The following GADL1 variants were observed in gnomAD, a reference collection of about 807,000 sequenced individuals.
GADL1 encodes the protein GAD like acidic amino acid decarboxylase 1.
GADL1 carries 71 observed loss-of-function variants against 69.5 expected under a neutral mutation model. The ratio of observed to expected loss-of-function variants is 1.02; its 90% CI spans 0.84 to 1.25. GADL1 has a LOEUF of 1.25. GADL1 is among the 50% of genes most tolerant of loss of function. GADL1 has a pLI of 0.00. For synonymous variants in GADL1, 254 were observed against 214.4 expected, an observed-to-expected ratio of 1.18 and a Z score of -1.62; for missense variants, 737 against 631.8, an observed-to-expected ratio of 1.17 and a Z score of -1.79.
chr3:30,850,000 G>A lies in GADL1; in HGVS notation c.647C>T (p.Ala216Val). ...GSPRLILFTS[A>V]ECHYSMKKAA... ...AATACCAAAAATAATTTTTACCTCT[G>A]CAGATGTGAAAAGGATTAATCTTGG... is the stretch of plus-strand genomic sequence containing the variant. The change falls in exon 6 of 15, where the codon GCA (alanine) becomes GTA (valine). Residue 216 changes from alanine to valine, a missense_variant. Physicochemically the swap from Ala to Val is moderately conservative, Grantham distance 64. Coordinates refer to ENST00000282538, the MANE Select transcript of GADL1 (RefSeq NM_207359.3). 1.3e-6 allele frequency: 2 copies of A among 1,559,956 alleles called. No individual in the cohort carries two copies. Among genetic ancestry groups the A allele is most frequent in the Non-Finnish European group, 8.8e-7 (1 of 1,131,574 alleles).
In GADL1 at chr3:30,889,774, C is replaced by A. The variant is rs530577076; in HGVS notation, c.37+4804G>T. On this transcript the variant is annotated intron_variant, in intron 1 of 14. Transcript: ENST00000282538. ...TTTAGAAAATTAGCTGAGAAGACAACCTTAAGTGCCCAGTGACAGGTGGTA... is the reference window on the plus strand; with the variant it reads ...TTTAGAAAATTAGCTGAGAAGACAAACTTAAGTGCCCAGTGACAGGTGGTA... Among the ~76,000 whole-genome samples the A allele has an allele frequency of 3.3e-5, 5 of 152,212 alleles. No individual in the cohort carries two copies. In the South Asian group the frequency reaches 1.0e-3, roughly 32 times the overall value.
chr3:30,889,084 TAAAAAAAAAAAAAA>T (rs60227313), intron 1 of GADL1, among the ~76,000 whole-genome samples: 15 of 32,918 alleles, frequency 4.6e-4, no homozygotes, highest in South Asian at 1.5e-3. Context: ...CGGTAATCTA[TAAAAAAAAAAAAAA>T]AAAAAAAAAA....
At chr3:30,745,896 C>T (rs1487344846) in intron 14 of GADL1, among the ~76,000 whole-genome samples, 1 of 151,978 alleles carries the variant, frequency 6.6e-6, no homozygotes, top group Non-Finnish European at 1.5e-5. Flanking sequence ...TTAAAATTCT[C>T]TTCCCTTATT....
chr3:30,783,509 G>A (rs892778420), intron 13 of GADL1, among the ~76,000 whole-genome samples: 11 of 141,966 alleles, frequency 7.7e-5, no homozygotes, highest in African/African-American at 2.7e-4. Flanking sequence ...TCTCCTTGCT[G>A]TTAGACAACA....
At chr3:30,812,469 G>A (rs890264070) in intron 11 of GADL1, among the ~76,000 whole-genome samples, 2 of 152,132 alleles carry the variant, frequency 1.3e-5, no homozygotes, top group African/African-American at 4.8e-5. Flanking sequence ...ACTTGTGCAG[G>A]GAAACTCCCC....
At chr3:30,819,739 TTTTAATTAAAAA>T (rs1368748237) in intron 11 of GADL1, among the ~76,000 whole-genome samples, 2 of 151,902 alleles carry the variant, frequency 1.3e-5, no homozygotes, top group Non-Finnish European at 2.9e-5. Context: ...TTGGAAAAAA[TTTTAATTAAAAA>T]TTAAGATTTC....
rs1044702228 is a variant in GADL1 at position 30,764,805 on chromosome 3, C to T, written c.1392+13374G>A. Among the ~76,000 whole-genome samples the T allele has an allele frequency of 3.9e-5, 6 of 152,170 alleles. No homozygotes were observed. The South Asian group carries it at 1.2e-3, about 32-fold the overall frequency. On this transcript the variant is annotated intron_variant, in intron 14 of 14. Coordinates refer to ENST00000282538, the MANE Select transcript of GADL1 (RefSeq NM_207359.3). ...CACCCCAGGTTGTACTGACAATCTC[C>T]ATTCGGAATTAGGCAAGTGATATTA...
At chr3:30,860,245 C>A (rs77334075) in intron 2 of GADL1, among the ~76,000 whole-genome samples, 1 of 151,754 alleles carries the variant, frequency 6.6e-6, no homozygotes, top group African/African-American at 2.4e-5. Context: ...TGGGACCCCC[C>A]GCTGCCTTTT....
chr3:30,805,504 G>A (rs1697233959), intron 11 of GADL1, among the ~76,000 whole-genome samples: 1 of 152,112 alleles, frequency 6.6e-6, no homozygotes. Flanking sequence ...GTAATATCCT[G>A]TTTTTAAAGC....
intron 14 of GADL1, among the ~76,000 whole-genome samples, chr3:30,740,180 G>A (rs1256824956): frequency 2.6e-5 from 4 of 152,124 alleles, no homozygotes; most frequent in South Asian, 2.1e-4. Flanking sequence ...TACCTGCTTC[G>A]TATGTCAGAG....
At chr3:30,765,121 CAG>C (rs1491264052) in intron 14 of GADL1, among the ~76,000 whole-genome samples, 2 of 117,158 alleles carry the variant, frequency 1.7e-5, no homozygotes, top group Middle Eastern at 4.2e-3. Flanking sequence ...TTACGCAAGA[CAG>C]AGGTAGTTCC....
At chr3:30,865,198 A>C (rs901512333) in intron 1 of GADL1, among the ~76,000 whole-genome samples, 116 of 151,906 alleles carry the variant, frequency 7.6e-4, no homozygotes, top group African/African-American at 2.7e-3. Flanking sequence ...ACCTCATATG[A>C]AGCTGCAATC....
intron 1 of GADL1, among the ~76,000 whole-genome samples, chr3:30,894,015 A>C (rs1303106441): frequency 6.6e-6 from 1 of 152,258 alleles, no homozygotes; most frequent in African/African-American, 2.4e-5. Context: ...AAATAGAACT[A>C]AGTGGCACCT....
At chr3:30,889,916 G>A (rs1387157433) in intron 1 of GADL1, among the ~76,000 whole-genome samples, 6 of 151,946 alleles carry the variant, frequency 3.9e-5, no homozygotes, top group Non-Finnish European at 8.8e-5. Flanking sequence ...AGAATTTAAG[G>A]AATATTCACA....
At chr3:30,786,698 C>T (rs1294850379) in intron 12 of GADL1, among the ~76,000 whole-genome samples, 2 of 152,284 alleles carry the variant, frequency 1.3e-5, no homozygotes, top group South Asian at 2.1e-4. Flanking sequence ...TATCTCTGAA[C>T]ATGTGGGTCT....
chr3:30,731,662 TTG>T (rs1320037054), intron 14 of GADL1, among the ~76,000 whole-genome samples: 3 of 152,214 alleles, frequency 2.0e-5, no homozygotes, highest in Admixed American at 6.5e-5. Context: ...AGGACAAATT[TTG>T]TTACTGACTT....
At chr3:30,826,557 C>A (rs931619926) in intron 11 of GADL1, among the ~76,000 whole-genome samples, 1 of 151,822 alleles carries the variant, frequency 6.6e-6, no homozygotes, top group South Asian at 2.1e-4. Flanking sequence ...TCAGTAAGAC[C>A]AGGTGGCAGC....
At chr3:30,785,171 A>T (rs191497305) in intron 13 of GADL1, among the ~76,000 whole-genome samples, 1 of 152,158 alleles carries the variant, frequency 6.6e-6, no homozygotes, top group Admixed American at 6.5e-5. Flanking sequence ...ATACTAGATT[A>T]TCTCATGAAC....
In GADL1 at chr3:30,861,612, G is replaced by A. The variant is rs1341931323; in HGVS notation, c.191C>T (p.Ala64Val). The A allele has an allele frequency of 5.2e-6, 8 of 1,547,372 alleles. No homozygotes were observed. The highest frequency in any genetic ancestry group is 7.0e-6 in the Non-Finnish European group (8 of 1,145,140). ...RLIMEEVVLKATDVNEKVCEW... is the reference protein window; with the variant it reads ...RLIMEEVVLKVTDVNEKVCEW... ...TTTTACCTTCTCATTGACATCTGTA[G>A]CTTTCAAAACCACCTCTTCCATTAT... The change falls in exon 2 of 15, where the codon GCT becomes GTT. Residue 64 changes from alanine to valine, a missense_variant. By Grantham distance (64) the Ala-to-Val change is moderately conservative. Coordinates refer to ENST00000282538, the MANE Select transcript of GADL1 (RefSeq NM_207359.3).
Sources: gnomAD v4.1 joint callset for allele counts (sites outside exome capture counted in the v4.1 genomes callset) on GRCh38, gnomAD v4.1.1 for gene constraint, MANE v1.5 for transcripts, NCBI Gene and HGNC (gene_info 2026-07-23, HGNC 2026-07-21) for gene names.